The following EXOSC4 variants were observed in gnomAD, a reference collection of about 807,000 sequenced individuals.
EXOSC4 encodes exosome complex component RRP41.
Under a neutral mutation model 20.0 loss-of-function variants are expected in EXOSC4, and 14 were observed. The ratio of observed to expected loss-of-function variants is 0.70; its 90% CI spans 0.46 to 1.09. The LOEUF is 1.09. Among genes scored for constraint, EXOSC4 ranks in the 50% least tolerant of loss-of-function variants. The probability of loss-of-function intolerance (pLI) is 0.00; values close to 1 mark genes in which losing one functional copy is unlikely to be tolerated. For synonymous variants in EXOSC4, 148 were observed against 146.4 expected (o/e 1.01, Z -0.08); for missense variants, 337 against 334.0 (o/e 1.01, Z -0.07).
At position 144,078,838 on chromosome 8, in the gene EXOSC4, G is replaced by C; in HGVS notation, c.110G>C (p.Gly37Ala). ...ARMGVFAQAD[G>A]SAYIEQGNTK... ...ATGGGCGTGTTCGCGCAGGCTGACG[G>C]CTCGGCCTACATTGAGCAGGGCAAC... The change falls in exon 1 of 3, where the codon GGC becomes GCC. Residue 37 changes from glycine to alanine, a missense_variant. Transcript: ENST00000316052. The surrounding 1 kb of genome is among the most constrained non-coding windows in gnomAD (Gnocchi z 4.7). 6.3e-7 allele frequency: 1 copy of C among 1,580,708 alleles called. No homozygotes were observed. Among genetic ancestry groups the C allele is most frequent in the Non-Finnish European group, 8.6e-7 (1 of 1,166,212 alleles).
chr8:144,080,177 G>C lies in EXOSC4; in HGVS notation c.378+28G>C. On this transcript the variant is annotated intron_variant, in intron 2 of 2. Coordinates refer to ENST00000316052, the MANE Select transcript of EXOSC4 (RefSeq NM_019037.3). This position sits in a 1 kb window ranked among gnomAD's most constrained non-coding sequence, Gnocchi z 4.9. ...GAGCCAGCTGCAGCCGTCAATCCAG[G>C]GAGGGAAGGGTGTGATGGGGTTGGG... The C allele has an allele frequency of 6.2e-7, 1 of 1,608,350 alleles. No individual in the cohort carries two copies. The highest frequency in any genetic ancestry group is 8.5e-7 in the Non-Finnish European group (1 of 1,175,854).
chr8:144,074,637 A>T (rs782154408), upstream of EXOSC4, among the ~76,000 whole-genome samples: 11 of 152,142 alleles, frequency 7.2e-5, no homozygotes, highest in Non-Finnish European at 1.3e-4. Context: ...TGGCACGATC[A>T]TAGCTCACAG....
chr8:144,079,053 A>T (rs1240029997), intron 1 of EXOSC4, 154 bp downstream of exon 1: 5 of 884,366 alleles, frequency 5.7e-6, no homozygotes, highest in Non-Finnish European at 6.2e-6. Flanking sequence ...AGTAAACGCA[A>T]GTCCTTAGTG....
the EXOSC4 span, among the ~76,000 whole-genome samples, chr8:144,072,785 T>A: frequency 6.6e-6 from 1 of 152,246 alleles, no homozygotes; most frequent in African/African-American, 2.4e-5. Flanking sequence ...TCTTTACCCA[T>A]TCATCCACCG....
At chr8:144,073,825 T>G (rs1835812299), upstream of EXOSC4, among the ~76,000 whole-genome samples, 1 of 151,262 alleles carries the variant, frequency 6.6e-6, no homozygotes, top group African/African-American at 2.4e-5. Flanking sequence ...CACTCTAGCC[T>G]GGGTGACAGA....
At chr8:144,078,015 T>G (rs1394263147), upstream of EXOSC4, 1 of 152,210 alleles carries the variant, frequency 6.6e-6, no homozygotes, top group Non-Finnish European at 1.5e-5. The surrounding 1 kb of genome is among the most constrained non-coding windows in gnomAD (Gnocchi z 4.7). Flanking sequence ...TAGAATGATT[T>G]TTATTATTTG....
At chr8:144,065,580 C>T in the EXOSC4 span, among the ~76,000 whole-genome samples, 1 of 151,490 alleles carries the variant, frequency 6.6e-6, no homozygotes, top group Non-Finnish European at 1.5e-5. Flanking sequence ...AAAAAAAATA[C>T]AAAAATTAGC....
At chr8:144,078,581 G>A (rs554536614), upstream of EXOSC4, 7 of 877,248 alleles carry the variant, frequency 8.0e-6, 1 homozygote, top group South Asian at 1.4e-4. This position sits in a 1 kb window ranked among gnomAD's most constrained non-coding sequence, Gnocchi z 4.7. Flanking sequence ...ACGGAGGTCA[G>A]GGCCGCGGAG....
At chr8:144,078,524 T>C, upstream of EXOSC4, 1 of 460,416 alleles carries the variant, frequency 2.2e-6, no homozygotes. The surrounding 1 kb of genome is among the most constrained non-coding windows in gnomAD (Gnocchi z 4.7). Flanking sequence ...TGAACTCCAG[T>C]TCACCAGGAC....
chr8:144,071,398 G>A, the EXOSC4 span, among the ~76,000 whole-genome samples: 7 of 147,326 alleles, frequency 4.8e-5, no homozygotes, highest in Non-Finnish European at 1.0e-4. Context: ...CACTTCTCCC[G>A]CCTCAGCCTC....
chr8:144,067,427 G>T, the EXOSC4 span, among the ~76,000 whole-genome samples: 52 of 152,260 alleles, frequency 3.4e-4, no homozygotes, highest in African/African-American at 1.2e-3. Context: ...CACTGCTGGG[G>T]GAGTCTCAGA....
chr8:144,077,170 T>A (rs11989670), upstream of EXOSC4, among the ~76,000 whole-genome samples: 8,085 of 151,238 alleles, frequency 0.053, 766 homozygotes, highest in African/African-American at 0.18. Context: ...ACTTGAACCC[T>A]GGAGGTGGAG....
chr8:144,064,946 A>T, the EXOSC4 span, among the ~76,000 whole-genome samples: 1 of 145,854 alleles, frequency 6.9e-6, no homozygotes, highest in African/African-American at 2.6e-5. Context: ...GGTTCACGCC[A>T]TTCTCCTGCG....
the EXOSC4 span, among the ~76,000 whole-genome samples, chr8:144,067,327 AC>A: frequency 3.9e-5 from 6 of 152,252 alleles, no homozygotes; most frequent in South Asian, 1.2e-3. Context: ...GGTGAGCCTA[AC>A]CTAATCACGT....
At chr8:144,079,701 T>C (rs1554763198) in intron 1 of EXOSC4, 2 of 677,338 alleles carry the variant, frequency 3.0e-6, no homozygotes, top group Non-Finnish European at 5.4e-6. Flanking sequence ...GAAGCAGCGT[T>C]GATGTTTGTA....
the EXOSC4 span, among the ~76,000 whole-genome samples, chr8:144,066,904 G>A: frequency 1.4e-4 from 21 of 152,100 alleles, no homozygotes; most frequent in Middle Eastern, 3.4e-3. Flanking sequence ...CCGGACCAAC[G>A]TGAAGAAACC....
upstream of EXOSC4, among the ~76,000 whole-genome samples, chr8:144,077,455 C>T (rs1251645895): frequency 6.6e-6 from 1 of 152,094 alleles, no homozygotes; most frequent in Non-Finnish European, 1.5e-5. Flanking sequence ...GTGGCTTGCT[C>T]ACTCACTCTC....
Position 144,080,328 on chromosome 8 carries a change from CT to C in EXOSC4, c.468del (p.Phe156LeufsTer73). 6.2e-7 allele frequency: 1 copy of C among 1,613,704 alleles called. No homozygotes were observed. The highest frequency in any genetic ancestry group is 1.7e-5 in the Admixed American group (1 of 60,022). On this transcript the variant is annotated frameshift_variant, in exon 3 of 3. Transcript: ENST00000316052. LOFTEE classifies it high-confidence loss of function. This position sits in a 1 kb window ranked among gnomAD's most constrained non-coding sequence, Gnocchi z 4.9. ...VLDAGIPMRD[F>X]VCACSAGFVD... ...TGGATGCCGGGATACCCATGAGAGA[CT>C]TTGTGTGTGCGTGCTCAGCTGGCTT...
At chr8:144,078,541 T>C (rs1423647266), upstream of EXOSC4, 2 of 529,282 alleles carry the variant, frequency 3.8e-6, no homozygotes, top group East Asian at 7.1e-5. This position sits in a 1 kb window ranked among gnomAD's most constrained non-coding sequence, Gnocchi z 4.7. Context: ...GGACAGGAAG[T>C]GACAGCGGAA....
Sources: allele counts gnomAD v4.1 joint callset (sites outside exome capture counted in the v4.1 genomes callset), GRCh38; gene constraint gnomAD v4.1.1; non-coding constraint Gnocchi (gnomAD v3.1); transcripts MANE v1.5; gene names NCBI Gene and HGNC (gene_info 2026-07-23, HGNC 2026-07-21).